TXNDC8: variants seen among roughly 807,000 people sequenced by gnomAD.
The protein encoded by TXNDC8 is thioredoxin domain-containing protein 8.
A neutral mutation model predicts 12.9 loss-of-function variants in TXNDC8; 15 were observed. The observed-to-expected ratio is 1.16, with a 90% CI of 0.78 to 1.79. The LOEUF is 1.79. Among genes scored for constraint, TXNDC8 ranks in the 40% most tolerant of loss-of-function variants. The pLI, the probability that TXNDC8 is intolerant of heterozygous loss-of-function variation, is 0.00. For missense variants in TXNDC8, 128 were observed against 113.2 expected (o/e 1.13, Z -0.59); for synonymous variants, 40 against 35.4 (o/e 1.13, Z -0.46).
intron 3 of TXNDC8, among the ~76,000 whole-genome samples, chr9:110,308,394 T>C (rs1838538424): frequency 6.6e-6 from 1 of 152,208 alleles, no homozygotes; most frequent in South Asian, 2.1e-4. Flanking sequence ...ATTTGGGTTT[T>C]GTCTTGGCTA....
In TXNDC8 at chr9:110,326,204, T is replaced by C. The variant is rs1188407631; in HGVS notation, c.166A>G (p.Thr56Ala). ...TGGCTTTTCTTGAACATCTGAAATG[T>C]GGGTATTGTTTTGATGTGACAAGTT... is the stretch of plus-strand genomic sequence containing the variant. The change falls in exon 3 of 5, where the codon ACA becomes GCA. Residue 56 changes from threonine to alanine, a missense_variant. By Grantham distance (58) the Thr-to-Ala change is moderately conservative. Coordinates refer to ENST00000423740, the MANE Select transcript of TXNDC8 (RefSeq NM_001286946.2). 1.2e-5 allele frequency: 20 copies of C among 1,613,992 alleles called. No homozygotes were observed. The highest frequency in any genetic ancestry group is 1.7e-5 in the Non-Finnish European group (20 of 1,179,952).
intron 3 of TXNDC8, among the ~76,000 whole-genome samples, chr9:110,325,602 G>A (rs527413471): frequency 6.7e-6 from 1 of 148,780 alleles, no homozygotes; most frequent in Admixed American, 6.9e-5. Context: ...CTCACTGCAA[G>A]CTCCGCGTCC....
At chr9:110,321,513 T>C (rs535990785) in intron 3 of TXNDC8, among the ~76,000 whole-genome samples, 2 of 152,328 alleles carry the variant, frequency 1.3e-5, no homozygotes, top group African/African-American at 4.8e-5. Context: ...TAAGAAGCCT[T>C]AATAGGAACT....
At chr9:110,318,032 G>A (rs1322014065) in intron 3 of TXNDC8, among the ~76,000 whole-genome samples, 1 of 152,184 alleles carries the variant, frequency 6.6e-6, no homozygotes, top group Admixed American at 6.5e-5. Context: ...TTGGGGTTCT[G>A]AGTTTCTATT....
intron 2 of TXNDC8, among the ~76,000 whole-genome samples, chr9:110,331,481 C>A (rs1251350064): frequency 6.6e-6 from 1 of 152,074 alleles, no homozygotes; most frequent in Non-Finnish European, 1.5e-5. Context: ...GCCCATTCAC[C>A]CAGTCTTCTG....
At chr9:110,326,121 A>G (rs200835729) in intron 3 of TXNDC8, 54 bp downstream of exon 4, 153 of 1,591,086 alleles carry the variant, frequency 9.6e-5, no homozygotes, top group Non-Finnish European at 1.3e-4. Flanking sequence ...TTTTTGAGGG[A>G]CTCTGATGGT....
intron 3 of TXNDC8, among the ~76,000 whole-genome samples, chr9:110,305,747 T>TCCTTC (rs1264486494): frequency 1.6e-4 from 23 of 146,414 alleles, no homozygotes; most frequent in Non-Finnish European, 2.7e-4. Context: ...TTTCTTCCCT[T>TCCTTC]CCTTCCCTTC....
At chr9:110,318,852 C>T (rs1366466152) in intron 3 of TXNDC8, among the ~76,000 whole-genome samples, 2 of 151,982 alleles carry the variant, frequency 1.3e-5, no homozygotes, top group Non-Finnish European at 2.9e-5. Flanking sequence ...ACATGATGAA[C>T]AAAATATCAA....
At chr9:110,335,732 T>C (rs1283383799) in intron 1 of TXNDC8, among the ~76,000 whole-genome samples, 1 of 152,198 alleles carries the variant, frequency 6.6e-6, no homozygotes, top group African/African-American at 2.4e-5. Context: ...TTAGGACTTA[T>C]TCTCCCTTTC....
chr9:110,309,810 A>G (rs1318970104), intron 3 of TXNDC8, among the ~76,000 whole-genome samples: 3 of 152,214 alleles, frequency 2.0e-5, no homozygotes, highest in Non-Finnish European at 2.9e-5. Context: ...ACATCAATTC[A>G]TCACACAAAA....
intron 3 of TXNDC8, among the ~76,000 whole-genome samples, chr9:110,305,546 T>TTTTCTC (rs1554700782): frequency 8.7e-6 from 1 of 115,416 alleles, no homozygotes; most frequent in Non-Finnish European, 1.8e-5. Context: ...TGTATTTTCT[T>TTTTCTC]TTTCTTTCTT....
At chr9:110,310,768 G>GC (rs547368421) in intron 3 of TXNDC8, among the ~76,000 whole-genome samples, 116 of 152,266 alleles carry the variant, frequency 7.6e-4, no homozygotes, top group African/African-American at 2.7e-3. Flanking sequence ...ATTTTTGTTT[G>GC]CATTTATTAA....
chr9:110,316,469 C>G (rs187454422), intron 3 of TXNDC8, among the ~76,000 whole-genome samples: 1 of 152,256 alleles, frequency 6.6e-6, no homozygotes, highest in East Asian at 1.9e-4. Flanking sequence ...TATTTGAACA[C>G]TTCCCCTTTG....
chr9:110,334,131 C>T (rs1007437862), intron 2 of TXNDC8, 85 bp downstream of exon 2: 4 of 1,220,256 alleles, frequency 3.3e-6, no homozygotes, highest in Non-Finnish European at 4.6e-6. Context: ...CTCATAATTG[C>T]CAAACTTTTA....
chr9:110,327,362 G>A (rs1031339196), intron 2 of TXNDC8, among the ~76,000 whole-genome samples: 31 of 147,372 alleles, frequency 2.1e-4, no homozygotes, highest in Admixed American at 1.2e-3. Context: ...CGCTCTTGTC[G>A]CCCTGGCTGG....
At chr9:110,311,133 T>C (rs1347108573) in intron 3 of TXNDC8, among the ~76,000 whole-genome samples, 1 of 152,198 alleles carries the variant, frequency 6.6e-6, no homozygotes, top group African/African-American at 2.4e-5. Flanking sequence ...TAGATTCAGT[T>C]AGGTCAGATC....
At chr9:110,330,886 T>C (rs112041660) in intron 2 of TXNDC8, among the ~76,000 whole-genome samples, 3,416 of 152,340 alleles carry the variant, frequency 0.022, 119 homozygotes, top group African/African-American at 0.077. Context: ...AAACCCACAT[T>C]TTCTTATGAT....
At chr9:110,322,413 A>G (rs1458955358) in intron 3 of TXNDC8, 1 of 985,316 alleles carries the variant, frequency 1.0e-6, no homozygotes, top group Non-Finnish European at 1.2e-6. Flanking sequence ...GATCTCTGGA[A>G]TGCAGGATCT....
At chr9:110,333,580 A>C (rs1383434816) in intron 2 of TXNDC8, among the ~76,000 whole-genome samples, 1 of 152,206 alleles carries the variant, frequency 6.6e-6, no homozygotes, top group African/African-American at 2.4e-5. Context: ...CTTATCACAC[A>C]TACACACACA....
Sources: allele counts gnomAD v4.1 joint callset (sites outside exome capture counted in the v4.1 genomes callset), GRCh38; gene constraint gnomAD v4.1.1; transcripts MANE v1.5; gene names NCBI Gene and HGNC (gene_info 2026-07-23, HGNC 2026-07-21).